Variants in TAFA2 observed in about 807,000 individuals in gnomAD.
The protein encoded by TAFA2 is chemokine-like protein TAFA-2.
Under a neutral mutation model 18.8 loss-of-function variants are expected in TAFA2, and 7 were observed. That is an observed-to-expected ratio of 0.37 (90% CI 0.21 to 0.70). TAFA2 has a LOEUF of 0.70. Ranked by LOEUF, TAFA2 falls within the 30% of genes least tolerant of loss-of-function variation. The pLI is 0.53. For missense variants in TAFA2, 122 were observed against 158.1 expected (o/e 0.77, Z 1.23); for synonymous variants, 60 against 54.2 (o/e 1.11, Z -0.47).
At chr12:62,120,493 T>C (rs954785373) in intron 1 of TAFA2, among the ~76,000 whole-genome samples, 1 of 152,190 alleles carries the variant, frequency 6.6e-6, no homozygotes, top group Non-Finnish European at 1.5e-5. Flanking sequence ...GCATAGAAAA[T>C]GTTGAATATT....
At chr12:61,740,030 T>C (rs1868378186) in intron 4 of TAFA2, among the ~76,000 whole-genome samples, 2 of 152,060 alleles carry the variant, frequency 1.3e-5, no homozygotes, top group Non-Finnish European at 1.5e-5. Flanking sequence ...AAAGCAAAGA[T>C]TGCATTCAAT....
chr12:61,746,066 C>A (rs1868691760), intron 4 of TAFA2, among the ~76,000 whole-genome samples: 1 of 152,018 alleles, frequency 6.6e-6, no homozygotes, highest in African/African-American at 2.4e-5. Context: ...TGTGTCCCCA[C>A]CCAAAATCTC....
intron 1 of TAFA2, among the ~76,000 whole-genome samples, chr12:62,001,700 T>G (rs1489428897): frequency 6.6e-6 from 1 of 152,164 alleles, no homozygotes; most frequent in Non-Finnish European, 1.5e-5. Flanking sequence ...CACCCCCTGC[T>G]GTGTCGCCCA....
intron 1 of TAFA2, among the ~76,000 whole-genome samples, chr12:62,051,533 G>T (rs1250371325): frequency 1.3e-5 from 2 of 151,972 alleles, no homozygotes; most frequent in African/African-American, 4.8e-5. Context: ...GGAGCAGCAA[G>T]AATTGAGATT....
intron 1 of TAFA2, among the ~76,000 whole-genome samples, chr12:62,146,828 C>G (rs1188217154): frequency 2.0e-5 from 3 of 152,048 alleles, no homozygotes; most frequent in African/African-American, 4.8e-5. Context: ...TAAGATATAG[C>G]CTCTAACCTG....
At chr12:61,977,758 C>T (rs1400747730) in intron 1 of TAFA2, among the ~76,000 whole-genome samples, 1 of 152,036 alleles carries the variant, frequency 6.6e-6, no homozygotes, top group Non-Finnish European at 1.5e-5. Context: ...CTTTGTCTTT[C>T]TCAACCATAA....
chr12:62,222,189 T>C (rs1370489567), intron 1 of TAFA2, among the ~76,000 whole-genome samples: 2 of 150,216 alleles, frequency 1.3e-5, no homozygotes, highest in African/African-American at 2.5e-5. Context: ...AGCAAAGGTA[T>C]AATAAACACA....
intron 1 of TAFA2, among the ~76,000 whole-genome samples, chr12:62,121,509 G>A (rs939450957): frequency 1.3e-5 from 2 of 152,140 alleles, no homozygotes; most frequent in African/African-American, 4.8e-5. Flanking sequence ...GTATGAGAGA[G>A]TATTTTTAAA....
chr12:62,069,861 C>T (rs1209857714), intron 1 of TAFA2, among the ~76,000 whole-genome samples: 1 of 152,166 alleles, frequency 6.6e-6, no homozygotes, highest in Admixed American at 6.5e-5. Context: ...TTTAAAATAA[C>T]ACTTTTATTT....
chr12:62,226,703 A>C (rs188936195), intron 1 of TAFA2, among the ~76,000 whole-genome samples: 4 of 152,300 alleles, frequency 2.6e-5, no homozygotes, highest in African/African-American at 9.6e-5. Context: ...ATATTTCCAA[A>C]ATCAATTAAT....
chr12:61,896,044 T>A, intron 1 of TAFA2, among the ~76,000 whole-genome samples: 2 of 147,374 alleles, frequency 1.4e-5, no homozygotes, highest in Admixed American at 6.8e-5. Flanking sequence ...GAGAGAGAAA[T>A]GAGAGGGAAG....
At chr12:61,909,181 G>C (rs1477386832) in intron 1 of TAFA2, among the ~76,000 whole-genome samples, 1 of 152,168 alleles carries the variant, frequency 6.6e-6, no homozygotes, top group African/African-American at 2.4e-5. Context: ...TTTTGACCTT[G>C]AAGTCACAAC....
At chr12:61,937,718 G>A (rs994096506) in intron 1 of TAFA2, among the ~76,000 whole-genome samples, 3 of 152,042 alleles carry the variant, frequency 2.0e-5, no homozygotes, top group Non-Finnish European at 4.4e-5. Context: ...AGAAAACTTA[G>A]AAAAAATTCT....
chr12:62,030,572 G>T (rs1881430756), intron 1 of TAFA2, among the ~76,000 whole-genome samples: 1 of 152,156 alleles, frequency 6.6e-6, no homozygotes. Flanking sequence ...AAGTATGGTT[G>T]TAAGTGGGAA....
At chr12:61,849,671 C>A (rs1468287821) in intron 2 of TAFA2, among the ~76,000 whole-genome samples, 1 of 152,084 alleles carries the variant, frequency 6.6e-6, no homozygotes, top group Non-Finnish European at 1.5e-5. Context: ...TCAAACAGTA[C>A]GTTTTAGTGA....
intron 2 of TAFA2, among the ~76,000 whole-genome samples, chr12:61,833,449 G>A (rs942977502): frequency 1.3e-5 from 2 of 151,916 alleles, no homozygotes; most frequent in Non-Finnish European, 2.9e-5. Flanking sequence ...TATGGTGTAA[G>A]AACTCTCAGT....
In TAFA2 at chr12:61,880,529, G is replaced by GAGATGCAGCTTGGATGCAGC. The variant is rs372287646; in HGVS notation, c.-1-13104_-1-13103insGCTGCATCCAAGCTGCATCT. ...GCTGGAGGGTGAAGAGAGCTGGCAA[G>GAGATGCAGCTTGGATGCAGC]AGTCTAGGATGCAGAACATGAGTAT... On this transcript the variant is annotated intron_variant, in intron 1 of 4. Coordinates refer to ENST00000416284, the MANE Select transcript of TAFA2 (RefSeq NM_178539.5). The GAGATGCAGCTTGGATGCAGC allele has an allele frequency of 3.7e-3, 1,921 of 512,348 alleles. 29 individuals carry two copies. Among genetic ancestry groups the GAGATGCAGCTTGGATGCAGC allele is most frequent in the African/African-American group, 0.034 (1,776 of 51,874 alleles). 31.7% of individuals were successfully genotyped at this position (512,348 alleles called of 1,614,324 possible).
chr12:61,792,990 A>G (rs1226005106), intron 2 of TAFA2, among the ~76,000 whole-genome samples: 1 of 151,606 alleles, frequency 6.6e-6, no homozygotes, highest in Non-Finnish European at 1.5e-5. Context: ...TTACCAAACT[A>G]TACTATATTC....
intron 1 of TAFA2, among the ~76,000 whole-genome samples, chr12:62,074,628 A>G (rs1832128205): frequency 6.6e-6 from 1 of 152,122 alleles, no homozygotes; most frequent in Non-Finnish European, 1.5e-5. Context: ...GTTTTCATAC[A>G]GACAGTAGAA....
Sources: gnomAD v4.1 joint callset for allele counts (sites outside exome capture counted in the v4.1 genomes callset) on GRCh38, gnomAD v4.1.1 for gene constraint, MANE v1.5 for transcripts, NCBI Gene and HGNC (gene_info 2026-07-23, HGNC 2026-07-21) for gene names.